The following PRKN variants were observed in gnomAD, a reference collection of about 807,000 sequenced individuals.
PRKN encodes the protein E3 ubiquitin-protein ligase parkin.
In PRKN, 56 loss-of-function variants were observed where a neutral mutation model predicts 59.5. The ratio of observed to expected loss-of-function variants is 0.94; its 90% CI spans 0.76 to 1.18. PRKN has a LOEUF of 1.18. PRKN is among the 50% of genes most tolerant of loss of function. The pLI is 0.00. For synonymous variants in PRKN, 250 were observed against 222.1 expected (o/e 1.13, Z -1.12); for missense variants, 657 against 596.4 (o/e 1.10, Z -1.06).
intron 6 of PRKN, among the ~76,000 whole-genome samples, chr6:161,931,281 CA>C (rs995440875): frequency 1.3e-5 from 2 of 152,010 alleles, no homozygotes; most frequent in African/African-American, 4.8e-5. Context: ...ACTAAAAATA[CA>C]AAAAAATTAG....
chr6:162,185,448 G>A (rs1783986069), intron 4 of PRKN, among the ~76,000 whole-genome samples: 1 of 152,094 alleles, frequency 6.6e-6, no homozygotes, highest in South Asian at 2.1e-4. Flanking sequence ...AGTAATCAAA[G>A]TCATTATTAA....
At chr6:162,083,136 A>G (rs9458455) in intron 4 of PRKN, among the ~76,000 whole-genome samples, 114,894 of 151,702 alleles carry the variant, frequency 0.76, 43,870 homozygotes, top group East Asian at 0.86. Context: ...GGGACTTTTA[A>G]TAGAGACGGG....
rs570023872 is a variant in PRKN at position 162,220,808 on chromosome 6, TTTGGAGTCATG to T, written c.413-19567_413-19557del. On this transcript the variant is annotated intron_variant, in intron 3 of 11. Coordinates refer to ENST00000366898, the MANE Select transcript of PRKN (RefSeq NM_004562.3). ...GGCAACACTTACCGAATGACTGAAA[TTTGGAGTCATG>T]GATTTCAGCAGGGATTTGCAGTGAA... Among the ~76,000 whole-genome samples the T allele has an allele frequency of 6.6e-4, 100 of 152,216 alleles. 1 individual carries two copies. Among genetic ancestry groups the T allele is most frequent in the African/African-American group, 2.0e-3 (82 of 41,530 alleles).
intron 1 of PRKN, among the ~76,000 whole-genome samples, chr6:162,696,818 C>T (rs1406681399): frequency 1.3e-5 from 2 of 151,896 alleles, no homozygotes; most frequent in African/African-American, 2.4e-5. Context: ...GGTGTTGGGA[C>T]TAGAGGTATG....
At chr6:161,421,589 G>A (rs935521898) in intron 9 of PRKN, among the ~76,000 whole-genome samples, 1 of 152,134 alleles carries the variant, frequency 6.6e-6, no homozygotes, top group Non-Finnish European at 1.5e-5. Flanking sequence ...AGGGGACTCC[G>A]GAGATCACAG....
intron 1 of PRKN, among the ~76,000 whole-genome samples, chr6:162,647,776 A>G (rs147495751): frequency 2.0e-4 from 30 of 151,904 alleles, no homozygotes; most frequent in Middle Eastern, 6.8e-3. Context: ...TCTGATCACA[A>G]CCTCACAATT....
intron 1 of PRKN, among the ~76,000 whole-genome samples, chr6:162,655,729 G>A (rs1778619547): frequency 1.3e-5 from 2 of 152,076 alleles, no homozygotes; most frequent in South Asian, 4.1e-4. Flanking sequence ...CCACACTTGG[G>A]TCATCATTAA....
At chr6:162,526,607 G>A (rs1031699455) in intron 1 of PRKN, among the ~76,000 whole-genome samples, 9 of 147,374 alleles carry the variant, frequency 6.1e-5, no homozygotes, top group South Asian at 2.2e-4. Context: ...CCGAGATCGC[G>A]CTTTAAAAAA....
At chr6:161,823,397 G>C (rs560839306) in intron 6 of PRKN, among the ~76,000 whole-genome samples, 1 of 152,258 alleles carries the variant, frequency 6.6e-6, no homozygotes, top group East Asian at 1.9e-4. Flanking sequence ...GGCAATGCGT[G>C]GGTGTGGCTA....
At chr6:162,232,416 T>C (rs1170748532) in intron 3 of PRKN, among the ~76,000 whole-genome samples, 1 of 152,126 alleles carries the variant, frequency 6.6e-6, no homozygotes. Flanking sequence ...CCCCAACTCC[T>C]GGGGGTTCAT....
In PRKN at chr6:161,352,755, G is replaced by GTGTATATATATATATATATA. The variant is rs766949960; in HGVS notation, c.1286-2545_1286-2544insTATATATATATATATATACA. ...TGTGTGTGTGTGTGTGTGTGTGTGT[G>GTGTATATATATATATATATA]TATATATATATATATATTTTATTTT... On this transcript the variant is annotated intron_variant, in intron 11 of 11. Coordinates refer to ENST00000366898, the MANE Select transcript of PRKN (RefSeq NM_004562.3). This position sits in a 1 kb window ranked among gnomAD's most constrained non-coding sequence, Gnocchi z 5.8. Among the ~76,000 whole-genome samples, 19 of 134,362 alleles carry GTGTATATATATATATATATA rather than the reference G, an allele frequency of 1.4e-4. No homozygotes were observed. The highest frequency in any genetic ancestry group is 5.3e-4 in the African/African-American group (19 of 35,772). 88.1% of individuals were successfully genotyped at this position (134,362 alleles called of 152,430 possible). A position where few individuals can be genotyped will look rare whatever the true frequency, so the allele number is the denominator to read the frequency against.
intron 4 of PRKN, among the ~76,000 whole-genome samples, chr6:162,118,882 C>G (rs77764057): frequency 0.02 from 3,078 of 152,250 alleles, 116 homozygotes; most frequent in African/African-American, 0.07. Flanking sequence ...CAGTCTAGAG[C>G]ACACATAGAC....
At chr6:162,462,271 A>G (rs1007384354) in intron 1 of PRKN, among the ~76,000 whole-genome samples, 1 of 152,234 alleles carries the variant, frequency 6.6e-6, no homozygotes, top group Admixed American at 6.5e-5. Context: ...CTACATGTTT[A>G]TATTTTGAAT....
intron 1 of PRKN, among the ~76,000 whole-genome samples, chr6:162,671,484 C>A (rs892492971): frequency 2.2e-5 from 3 of 135,954 alleles, no homozygotes; most frequent in Non-Finnish European, 4.6e-5. Context: ...GGCAATAGAG[C>A]GAGACTCTGT....
chr6:161,949,030 C>T (rs1050144670), intron 6 of PRKN, among the ~76,000 whole-genome samples: 11 of 152,286 alleles, frequency 7.2e-5, no homozygotes, highest in African/African-American at 2.4e-4. Context: ...AAGTGGACTG[C>T]AGGGCTGCAG....
chr6:161,969,924 G>A (rs1780736588), intron 6 of PRKN, among the ~76,000 whole-genome samples: 1 of 152,038 alleles, frequency 6.6e-6, no homozygotes, highest in East Asian at 1.9e-4. Context: ...TGTGTGACAA[G>A]GACTCTGTTT....
intron 1 of PRKN, among the ~76,000 whole-genome samples, chr6:162,580,343 T>G (rs576415327): frequency 6.7e-6 from 1 of 150,140 alleles, no homozygotes; most frequent in South Asian, 2.1e-4. Flanking sequence ...AAGGCTGAGG[T>G]AGGAGGATCA....
At chr6:162,090,803 T>C (rs112426470) in intron 4 of PRKN, among the ~76,000 whole-genome samples, 1 of 152,190 alleles carries the variant, frequency 6.6e-6, no homozygotes, top group African/African-American at 2.4e-5. Context: ...TGTGTTTTTC[T>C]CTAGTGCTGA....
In PRKN at chr6:161,449,065, T is replaced by C. The variant is rs1020410385; in HGVS notation, c.1084-62188A>G. ...CATCAGGGCTCGGGTAAGAACATTGTCTGGGATAAATGGTTTGTGGTTATT... is the reference window on the plus strand; with the variant it reads ...CATCAGGGCTCGGGTAAGAACATTGCCTGGGATAAATGGTTTGTGGTTATT... On this transcript the variant is annotated intron_variant, in intron 9 of 11. Transcript: ENST00000366898. 3.3e-5 allele frequency among the ~76,000 whole-genome samples: 5 copies of C among 152,306 alleles called. No individual in the cohort carries two copies. In the South Asian group the frequency reaches 1.0e-3, roughly 32 times the overall value.
Sources: allele counts gnomAD v4.1 joint callset (sites outside exome capture counted in the v4.1 genomes callset), GRCh38; gene constraint gnomAD v4.1.1; non-coding constraint Gnocchi (gnomAD v3.1); transcripts MANE v1.5; gene names NCBI Gene and HGNC (gene_info 2026-07-23, HGNC 2026-07-21).